ACSM6: variants seen among roughly 807,000 people sequenced by gnomAD.
ACSM6 encodes the protein acyl-coenzyme A synthetase ACSM6, mitochondrial.
In ACSM6, 35 loss-of-function variants were observed where a neutral mutation model predicts 51.1. The observed-to-expected ratio is 0.69, with a 90% CI of 0.52 to 0.91. The LOEUF is 0.91. Among genes scored for constraint, ACSM6 ranks in the 40% least tolerant of loss-of-function variants. The pLI is 0.00. For missense variants in ACSM6, 509 were observed against 584.1 expected, an observed-to-expected ratio of 0.87 and a Z score of 1.32; for synonymous variants, 172 against 207.3, an observed-to-expected ratio of 0.83 and a Z score of 1.46.
chr10:95,211,453 A>G (rs1300187588), intron 5 of ACSM6, among the ~76,000 whole-genome samples: 1 of 152,260 alleles, frequency 6.6e-6, no homozygotes, highest in East Asian at 1.9e-4. Flanking sequence ...CAAACTACAC[A>G]AAGGTCCCTT....
intron 4 of ACSM6, among the ~76,000 whole-genome samples, 180 bp downstream of exon 4, chr10:95,207,595 A>G (rs1272155894): frequency 1.3e-5 from 2 of 152,106 alleles, no homozygotes; most frequent in Non-Finnish European, 2.9e-5. Context: ...CTGAATGGCA[A>G]TTTCTAGTCC....
rs564276773 is a variant in ACSM6, at chr10:95,206,018, T to C, written c.404-1190T>C. Among the ~76,000 whole-genome samples, 33 of 152,332 alleles carry C rather than the reference T, an allele frequency of 2.2e-4. No homozygotes were observed. The South Asian group carries it at 6.6e-3, about 31-fold the overall frequency. On this transcript the variant is annotated intron_variant, in intron 3 of 10. Coordinates refer to ENST00000341686, the Ensembl canonical transcript of ACSM6. ...ATGACTTTGTTTTGGAGATATAATT[T>C]ATATACTATAAAATTCACCGTTTAA... is the stretch of plus-strand genomic sequence containing the variant.
intron 4 of ACSM6, 25 bp downstream of exon 4, chr10:95,207,440 G>A (rs2034851017): frequency 6.3e-7 from 1 of 1,596,606 alleles, no homozygotes; most frequent in African/African-American, 1.3e-5. Flanking sequence ...AATATGAGAT[G>A]CTTAAATGAA....
exon 2 of ACSM6, chr10:95,194,677 G>A: frequency 6.4e-7 from 1 of 1,550,740 alleles, no homozygotes; most frequent in African/African-American, 1.4e-5. Flanking sequence ...AGCTGGAAAA[G>A]GTAAAACTTG....
chr10:95,202,066 A>G, exon 3 of ACSM6: 2 of 1,551,804 alleles, frequency 1.3e-6, no homozygotes, highest in Non-Finnish European at 1.7e-6. Context: ...TGAAAGGATG[A>G]CTCAACTCTC....
At chr10:95,223,208 CA>C (rs1394759476) in intron 9 of ACSM6, among the ~76,000 whole-genome samples, 3 of 150,296 alleles carry the variant, frequency 2.0e-5, no homozygotes, top group Non-Finnish European at 4.4e-5. Flanking sequence ...CAAAGAAAAA[CA>C]GGCCCAAATG....
At chr10:95,211,750 G>T (rs1166534110) in intron 5 of ACSM6, 128 bp from the exon 6 acceptor site, 2 of 1,015,952 alleles carry the variant, frequency 2.0e-6, no homozygotes, top group African/African-American at 1.7e-5. Context: ...TCATAAATAG[G>T]CTTTGCCTGT....
At chr10:95,198,889 G>T (rs1231604494) in intron 2 of ACSM6, among the ~76,000 whole-genome samples, 1 of 152,082 alleles carries the variant, frequency 6.6e-6, no homozygotes, top group Non-Finnish European at 1.5e-5. Flanking sequence ...CATGCTCACG[G>T]GTAGGAAGAA....
chr10:95,225,522 C>T, intron 10 of ACSM6, 131 bp downstream of exon 10: 1 of 597,308 alleles, frequency 1.7e-6, no homozygotes, highest in Non-Finnish European at 2.8e-6. Flanking sequence ...TTTGAGTCTC[C>T]AAAAATGTTA....
intron 2 of ACSM6, among the ~76,000 whole-genome samples, chr10:95,195,738 G>C (rs972532361): frequency 6.6e-6 from 1 of 151,644 alleles, no homozygotes; most frequent in Non-Finnish European, 1.5e-5. Context: ...CACCCGCTTT[G>C]GGAGGAGTAA....
At chr10:95,201,895 C>A in intron 2 of ACSM6, 90 bp from the exon 3 acceptor site, 3 of 1,089,838 alleles carry the variant, frequency 2.8e-6, no homozygotes, top group Non-Finnish European at 2.7e-6. Flanking sequence ...CAAGATCTAG[C>A]CACTTGAGGG....
intron 2 of ACSM6, among the ~76,000 whole-genome samples, chr10:95,196,920 G>GT (rs893025331): frequency 1.7e-4 from 26 of 151,588 alleles, no homozygotes; most frequent in Middle Eastern, 3.4e-3. Flanking sequence ...TAGTTTACAA[G>GT]TTTTTTTTTG....
At chr10:95,228,908 AT>A (rs2035066983) in exon 11 of ACSM6, 2 of 1,028,146 alleles carry the variant, frequency 1.9e-6, no homozygotes, top group South Asian at 2.5e-5. Flanking sequence ...AAATAAAAAA[AT>A]AAAACTCATC....
At chr10:95,198,269 T>C (rs192264700) in intron 2 of ACSM6, among the ~76,000 whole-genome samples, 17 of 151,898 alleles carry the variant, frequency 1.1e-4, no homozygotes, top group Admixed American at 1.1e-3. Context: ...TTGGACCTGA[T>C]GTGATGGGCT....
chr10:95,209,805 A>G (rs2034877054), intron 4 of ACSM6, among the ~76,000 whole-genome samples: 1 of 151,886 alleles, frequency 6.6e-6, no homozygotes, highest in Non-Finnish European at 1.5e-5. Context: ...ACTCTTTTCA[A>G]TTGAATAATT....
intron 2 of ACSM6, chr10:95,201,514 T>C (rs748436702): frequency 2.2e-6 from 1 of 455,904 alleles, no homozygotes; most frequent in Admixed American, 2.4e-5. Flanking sequence ...TGAGTAATAT[T>C]CCATGTTGTA....
intron 9 of ACSM6, among the ~76,000 whole-genome samples, chr10:95,221,397 G>A (rs550737284): frequency 6.6e-6 from 1 of 152,216 alleles, no homozygotes; most frequent in Non-Finnish European, 1.5e-5. Context: ...GACCATCCTG[G>A]CCAACATGGT....
chr10:95,212,809 C>T, intron 6 of ACSM6, 49 bp from the exon 7 acceptor site: 1 of 1,432,590 alleles, frequency 7.0e-7, no homozygotes, highest in Non-Finnish European at 9.9e-7. Flanking sequence ...GTCTCACTGT[C>T]TCTCCCACCT....
rs1186652689 is a variant in ACSM6, at chr10:95,228,727, C to T, written c.1386C>T (p.Tyr462=). 8 of 1,551,654 alleles carry T rather than the reference C, an allele frequency of 5.2e-6. No individual in the cohort carries two copies. The East Asian group carries it at 2.0e-4, about 38-fold the overall frequency. Residue 462 remains tyrosine (Y), a synonymous_variant, in exon 11 of 11, where the codon TAC becomes TAT. Coordinates refer to ENST00000341686, the Ensembl canonical transcript of ACSM6. Reference sequence around the variant, plus strand: ...GAGGGATCATGGATGAAGACGGCTACTTCTGGTGGTCTGGTAGAGTTGATG... The same window carrying T: ...GAGGGATCATGGATGAAGACGGCTATTTCTGGTGGTCTGGTAGAGTTGATG...
Sources: gnomAD v4.1 joint callset for allele counts (sites outside exome capture counted in the v4.1 genomes callset) on GRCh38, gnomAD v4.1.1 for gene constraint, MANE v1.5 for transcripts, NCBI Gene and HGNC (gene_info 2026-07-23, HGNC 2026-07-21) for gene names.